Variants in THEM4 observed in about 807,000 individuals in gnomAD.
The protein encoded by THEM4 is thioesterase superfamily member 4.
In THEM4, 22 loss-of-function variants were observed where a neutral mutation model predicts 25.0. The observed-to-expected ratio is 0.88, with a 90% confidence interval of 0.63 to 1.26. THEM4 has a LOEUF of 1.26. THEM4 is among the 50% of genes most tolerant of loss of function. The probability of loss-of-function intolerance (pLI) is 0.00; values close to 1 mark genes in which losing one functional copy is unlikely to be tolerated. For synonymous variants in THEM4, 113 were observed against 105.6 expected (o/e 1.07, Z -0.43); for missense variants, 286 against 300.3 (o/e 0.95, Z 0.35).
At chr1:151,895,632 G>A (rs1654205310) in intron 1 of THEM4, among the ~76,000 whole-genome samples, 1 of 148,356 alleles carries the variant, frequency 6.7e-6, no homozygotes, top group African/African-American at 2.5e-5. Context: ...TCTTTGACTT[G>A]AATATTGATT....
intron 2 of THEM4, chr1:151,890,861 C>T (rs1006102345): frequency 6.6e-6 from 1 of 152,168 alleles, no homozygotes; most frequent in Admixed American, 6.5e-5. Context: ...GGAGATAAAA[C>T]AAAATGAGCT....
intron 2 of THEM4, chr1:151,890,052 G>A (rs1438946228): frequency 2.1e-5 from 6 of 282,272 alleles, no homozygotes; most frequent in East Asian, 8.7e-5. Flanking sequence ...GATTACAGGC[G>A]CCCACCACCA....
In THEM4 at chr1:151,891,815, T is replaced by TG. The variant is rs536648462; in HGVS notation, c.287-2443dup. Among the ~76,000 whole-genome samples the TG allele has an allele frequency of 3.3e-5, 5 of 151,998 alleles. No homozygotes were observed. The South Asian group carries it at 1.0e-3, about 32-fold the overall frequency. ...TAGATGCTCGAGTTGCTGAGGATGC[T>TG]GAATGGAGTTGGGTAGATAGCGGAC... On this transcript the variant is annotated intron_variant, in intron 2 of 5. Transcript: ENST00000368814.
rs1459917608 is a variant in THEM4 at position 151,871,326 on chromosome 1, A to C, written c.*3562T>G. On this transcript the variant is annotated 3_prime_UTR_variant, in exon 6 of 6. Transcript: ENST00000368814. ...GGCGACAGAGCCAGACCCTGTCTTGAAAAAAAAAAAAAAAAAAGAAAAAGA... is the reference window on the plus strand; with the variant it reads ...GGCGACAGAGCCAGACCCTGTCTTGCAAAAAAAAAAAAAAAAAGAAAAAGA... Among the ~76,000 whole-genome samples the C allele has an allele frequency of 0.017, 49 of 2,918 alleles. No homozygotes were observed. The highest frequency in any genetic ancestry group is 0.041 in the African/African-American group (48 of 1,172). 1.9% of individuals were successfully genotyped at this position (2,918 alleles called of 152,430 possible).
intron 4 of THEM4, among the ~76,000 whole-genome samples, chr1:151,887,928 A>G (rs976930050): frequency 3.9e-5 from 6 of 152,154 alleles, no homozygotes; most frequent in Admixed American, 3.9e-4. Flanking sequence ...AAGTACTTGG[A>G]AATTTATGGT....
At chr1:151,897,122 A>G (rs149033170) in intron 1 of THEM4, among the ~76,000 whole-genome samples, 2 of 152,338 alleles carry the variant, frequency 1.3e-5, no homozygotes, top group East Asian at 3.9e-4. Flanking sequence ...GTATGCCCAC[A>G]AACACCAGAA....
At chr1:151,906,281 C>T (rs1432830593) in intron 1 of THEM4, among the ~76,000 whole-genome samples, 1 of 152,256 alleles carries the variant, frequency 6.6e-6, no homozygotes, top group African/African-American at 2.4e-5. Flanking sequence ...AGCACCCGGG[C>T]CAGTGGCTGC....
intron 1 of THEM4, among the ~76,000 whole-genome samples, chr1:151,901,413 G>A (rs1298180231): frequency 6.6e-6 from 1 of 152,162 alleles, no homozygotes; most frequent in African/African-American, 2.4e-5. Flanking sequence ...ACAGTGCATG[G>A]AACTTTCTCC....
In THEM4 at chr1:151,895,076, C is replaced by T; in HGVS notation, c.218G>A (p.Trp73Ter). The part of the protein sequence containing the change: ...QFMKKCEDGS[W>*]KRLPSYKRTP... ...ACGTTTATATGAAGGCAAACGTTTC[C>T]AGGAGCCGTCTTCACATTTCTTCAT... is the stretch of plus-strand genomic sequence containing the variant. Residue 73 changes from tryptophan to a stop codon, truncating the protein, a stop_gained, in exon 2 of 6, where the codon TGG (tryptophan) becomes TAG (stop). Coordinates refer to ENST00000368814, the MANE Select transcript of THEM4 (RefSeq NM_053055.5). LOFTEE classifies it high-confidence loss of function. 1 of 1,614,056 alleles carries T rather than the reference C, an allele frequency of 6.2e-7. No individual in the cohort carries two copies. The highest frequency in any genetic ancestry group is 1.3e-5 in the African/African-American group (1 of 74,972).
At chr1:151,900,349 T>A (rs1654325599) in intron 1 of THEM4, among the ~76,000 whole-genome samples, 1 of 152,096 alleles carries the variant, frequency 6.6e-6, no homozygotes, top group African/African-American at 2.4e-5. Flanking sequence ...TAACATTGAA[T>A]GTAAATGGCC....
At chr1:151,902,331 C>T (rs558144494) in intron 1 of THEM4, among the ~76,000 whole-genome samples, 1 of 152,284 alleles carries the variant, frequency 6.6e-6, no homozygotes, top group South Asian at 2.1e-4. Context: ...AATCGTGGAA[C>T]CAACCCAAAT....
At chr1:151,900,974 T>C (rs1359047251) in intron 1 of THEM4, among the ~76,000 whole-genome samples, 2 of 152,286 alleles carry the variant, frequency 1.3e-5, no homozygotes, top group Non-Finnish European at 2.9e-5. Context: ...ATGAGCAATC[T>C]GTGCCTTAAG....
At chr1:151,890,149 C>T in intron 2 of THEM4, 1 of 451,660 alleles carries the variant, frequency 2.2e-6, no homozygotes, top group Non-Finnish European at 4.5e-6. Context: ...CAGGGATCCG[C>T]CTGCCTTGGC....
chr1:151,903,572 T>C (rs1490665025), intron 1 of THEM4, among the ~76,000 whole-genome samples: 1 of 152,260 alleles, frequency 6.6e-6, no homozygotes, highest in Non-Finnish European at 1.5e-5. Context: ...TTTTGGATTA[T>C]TTCCTTAGAA....
At chr1:151,901,559 T>C (rs1432653875) in intron 1 of THEM4, among the ~76,000 whole-genome samples, 1 of 152,094 alleles carries the variant, frequency 6.6e-6, no homozygotes, top group African/African-American at 2.4e-5. Flanking sequence ...ACCATGCAAA[T>C]AGGCCAGGCG....
At chr1:151,880,097 C>T (rs1170465159) in intron 4 of THEM4, among the ~76,000 whole-genome samples, 1 of 152,048 alleles carries the variant, frequency 6.6e-6, no homozygotes, top group African/African-American at 2.4e-5. Context: ...AGCAATCCTC[C>T]TGCCTCAGCC....
intron 2 of THEM4, among the ~76,000 whole-genome samples, chr1:151,891,981 A>T (rs1654105151): frequency 6.6e-6 from 1 of 152,138 alleles, no homozygotes. Flanking sequence ...TTTGAGACAG[A>T]ATCTTGCTCT....
At chr1:151,888,784 T>A (rs1294273463) in intron 3 of THEM4, among the ~76,000 whole-genome samples, 4 of 152,148 alleles carry the variant, frequency 2.6e-5, no homozygotes, top group Non-Finnish European at 2.9e-5. Flanking sequence ...GCTATGATTA[T>A]GCCACTGCAC....
At chr1:151,898,897 T>C (rs1224297873) in intron 1 of THEM4, among the ~76,000 whole-genome samples, 2 of 152,194 alleles carry the variant, frequency 1.3e-5, no homozygotes, top group Non-Finnish European at 2.9e-5. Context: ...GAGTACTACA[T>C]CAGCAGAACA....
Sources: allele counts gnomAD v4.1 joint callset (sites outside exome capture counted in the v4.1 genomes callset), GRCh38; gene constraint gnomAD v4.1.1; transcripts MANE v1.5; gene names NCBI Gene and HGNC (gene_info 2026-07-23, HGNC 2026-07-21).